The following TRPS1 variants were observed in gnomAD, a reference collection of about 807,000 sequenced individuals.
TRPS1 encodes the protein transcriptional repressor GATA binding 1.
In TRPS1, 6 loss-of-function variants were observed where a neutral mutation model predicts 101.2. The observed-to-expected ratio is 0.06, with a 90% CI of 0.03 to 0.12. The LOEUF is 0.12. TRPS1 is among the 10% of genes least tolerant of loss of function. TRPS1 has a pLI of 1.00. For missense variants in TRPS1, 1,363 were observed against 1,567.0 expected (o/e 0.87, Z 2.20); for synonymous variants, 578 against 589.8 (o/e 0.98, Z 0.29).
chr8:115,577,687 T>A (rs1044620854), intron 5 of TRPS1, among the ~76,000 whole-genome samples: 3 of 152,120 alleles, frequency 2.0e-5, no homozygotes, highest in Non-Finnish European at 2.9e-5. Context: ...AAAAAAAGCA[T>A]ATTCTGACAT....
At chr8:115,592,668 C>G (rs1817702105) in intron 4 of TRPS1, among the ~76,000 whole-genome samples, 1 of 138,336 alleles carries the variant, frequency 7.2e-6, no homozygotes, top group African/African-American at 2.7e-5. Flanking sequence ...GCAATATGAA[C>G]TTTTCAATAA....
intron 3 of TRPS1, 60 bp downstream of exon 3, chr8:115,619,072 G>T: frequency 2.5e-6 from 4 of 1,582,268 alleles, no homozygotes; most frequent in Non-Finnish European, 3.4e-6. Flanking sequence ...ATGAATATAA[G>T]AATTCACATT....
chr8:115,604,255 A>C lies in TRPS1; in HGVS notation c.1714T>G (p.Cys572Gly). ...HYQQLHNIHK[C>G]TIKHCPFCPR... is the part of the protein sequence containing the mutation. ...CAGAATGGACAGTGTTTAATGGTAC[A>C]CTTGTGAATGTTATGGAGCTGTTGA... Residue 572 changes from cysteine to glycine, a missense_variant, in exon 4 of 7, where the codon TGT (cysteine) becomes GGT (glycine). This residue lies in a region of TRPS1 where 1,020 missense variants were observed against 1,073.0 expected (regional missense o/e 0.95). Transcript: ENST00000395715. This position sits in a 1 kb window ranked among gnomAD's most constrained non-coding sequence, Gnocchi z 4.1. 2 of 1,614,102 alleles carry C rather than the reference A, an allele frequency of 1.2e-6. No homozygotes were observed. Among genetic ancestry groups the C allele is most frequent in the Non-Finnish European group, 1.7e-6 (2 of 1,180,000 alleles).
intron 5 of TRPS1, among the ~76,000 whole-genome samples, chr8:115,526,245 G>T (rs907590841): frequency 6.6e-6 from 1 of 152,016 alleles, no homozygotes; most frequent in African/African-American, 2.4e-5. Context: ...GGAGCTGGAG[G>T]TTGCAGTGAG....
chr8:115,620,178 C>T, intron 2 of TRPS1, 118 bp from the exon 3 acceptor site: 1 of 895,012 alleles, frequency 1.1e-6, no homozygotes, highest in South Asian at 1.9e-5. Context: ...AATGCTTCCT[C>T]TAGGAAAAAA....
chr8:115,625,080 A>C (rs1297872642), intron 1 of TRPS1, among the ~76,000 whole-genome samples: 2 of 152,000 alleles, frequency 1.3e-5, no homozygotes, highest in African/African-American at 4.8e-5. Flanking sequence ...CAGAGCTTAG[A>C]TCACGCATCA....
chr8:115,564,342 G>T (rs1185577462), intron 5 of TRPS1, among the ~76,000 whole-genome samples: 1 of 151,870 alleles, frequency 6.6e-6, no homozygotes, highest in African/African-American at 2.4e-5. Context: ...TATTTTTTAT[G>T]CTGTGGCCCT....
At chr8:115,584,955 T>A (rs1489739557) in intron 5 of TRPS1, among the ~76,000 whole-genome samples, 1 of 152,172 alleles carries the variant, frequency 6.6e-6, no homozygotes, top group Non-Finnish European at 1.5e-5. Flanking sequence ...GATTTAAATT[T>A]TATTGCAACC....
intron 5 of TRPS1, among the ~76,000 whole-genome samples, chr8:115,490,161 A>C (rs910525232): frequency 1.6e-4 from 24 of 152,274 alleles, no homozygotes; most frequent in African/African-American, 5.8e-4. Context: ...TTACCAAGAC[A>C]AGGAAGTTTT....
intron 1 of TRPS1, among the ~76,000 whole-genome samples, chr8:115,649,351 C>T (rs1437130580): frequency 6.6e-6 from 1 of 152,112 alleles, no homozygotes; most frequent in Non-Finnish European, 1.5e-5. Context: ...AGATAAGAAA[C>T]AAAGTAGAGG....
At chr8:115,606,979 G>A (rs1438956932) in intron 3 of TRPS1, among the ~76,000 whole-genome samples, 1 of 151,944 alleles carries the variant, frequency 6.6e-6, no homozygotes, top group Non-Finnish European at 1.5e-5. Context: ...AAATTTTCTT[G>A]TTTAAGCTTT....
At chr8:115,661,673 A>G (rs1440035052) in intron 1 of TRPS1, 2 of 152,018 alleles carry the variant, frequency 1.3e-5, no homozygotes. Flanking sequence ...AGTAGTGCAG[A>G]ATGGTTTGCG....
chr8:115,597,113 T>G (rs1345345294), intron 4 of TRPS1, among the ~76,000 whole-genome samples: 1 of 151,984 alleles, frequency 6.6e-6, no homozygotes, highest in South Asian at 2.1e-4. Flanking sequence ...TTCTAAAAAA[T>G]GCAATTATGA....
At position 115,533,436 on chromosome 8, in the gene TRPS1, G is replaced by GTTTTTTGTTTT. The variant is rs1816188062; in HGVS notation, c.2700+53564_2700+53565insAAAACAAAAAA. On this transcript the variant is annotated intron_variant, in intron 5 of 6. Coordinates refer to ENST00000395715, the MANE Select transcript of TRPS1 (RefSeq NM_014112.5). ...GGGGCCCGCTTCCCACATGTAATCT[G>GTTTTTTGTTTT]TTTTTTTTTTTTTTTTTTTTTTTCC... Among the ~76,000 whole-genome samples the GTTTTTTGTTTT allele has an allele frequency of 1.7e-4, 6 of 34,984 alleles. 1 individual carries two copies. The highest frequency in any genetic ancestry group is 6.2e-4 in the African/African-American group (6 of 9,616). The allele number at this position is 34,984 out of a possible 152,430, so 23.0% of individuals were successfully genotyped here. A position where few individuals can be genotyped will look rare whatever the true frequency, so the allele number is the denominator to read the frequency against.
chr8:115,626,879 T>C (rs373237672), intron 1 of TRPS1, among the ~76,000 whole-genome samples: 17 of 151,798 alleles, frequency 1.1e-4, no homozygotes, highest in African/African-American at 4.1e-4. Context: ...AGATTTTAAA[T>C]ATCTCATTTC....
chr8:115,428,242 G>T (rs763462420), intron 5 of TRPS1, among the ~76,000 whole-genome samples: 59 of 152,214 alleles, frequency 3.9e-4, no homozygotes, highest in Non-Finnish European at 4.0e-4. Flanking sequence ...AATTCCTCAA[G>T]AATCAGATAA....
At chr8:115,585,301 C>T (rs1356870941) in intron 5 of TRPS1, among the ~76,000 whole-genome samples, 3 of 152,150 alleles carry the variant, frequency 2.0e-5, no homozygotes, top group South Asian at 4.1e-4. Context: ...GCAACCACTA[C>T]GCTCAGGTTT....
chr8:115,462,635 CTCTCTCTTTT>C (rs1357196065), intron 5 of TRPS1, among the ~76,000 whole-genome samples: 1 of 90,804 alleles, frequency 1.1e-5, no homozygotes, highest in Non-Finnish European at 2.2e-5. Context: ...CTCTCTCTCT[CTCTCTCTTTT>C]TTTTTTTTTT....
At chr8:115,640,012 A>G (rs1818859398) in intron 1 of TRPS1, among the ~76,000 whole-genome samples, 1 of 152,200 alleles carries the variant, frequency 6.6e-6, no homozygotes, top group East Asian at 1.9e-4. Context: ...ACAGTATAGT[A>G]AATGTACAGT....
Sources: gnomAD v4.1 joint callset for allele counts (sites outside exome capture counted in the v4.1 genomes callset) on GRCh38, gnomAD v4.1.1 for gene constraint, gnomAD v4.1.1 regional missense constraint, Gnocchi (gnomAD v3.1) non-coding constraint, MANE v1.5 for transcripts, NCBI Gene and HGNC (gene_info 2026-07-23, HGNC 2026-07-21) for gene names.